Variants in COL6A3 observed in about 807,000 individuals in gnomAD.
COL6A3 encodes collagen alpha-3(VI) chain.
In COL6A3, 137 loss-of-function variants were observed where a neutral mutation model predicts 274.1. The ratio of observed to expected loss-of-function variants is 0.50; its 90% CI spans 0.44 to 0.58. The LOEUF (loss-of-function observed/expected upper bound fraction) is 0.58. Among genes scored for constraint, COL6A3 ranks in the 20% least tolerant of loss-of-function variants. The probability of loss-of-function intolerance (pLI) is 0.00; values close to 1 mark genes in which losing one functional copy is unlikely to be tolerated. For missense variants in COL6A3, 3,950 were observed against 4,124.9 expected (o/e 0.96, Z 1.16); for synonymous variants, 1,650 against 1,650.6 (o/e 1.00, Z 0.01).
Position 237,325,465 on chromosome 2 carries a change from A to G in COL6A3, c.9493+95T>C, listed in dbSNP as rs1699889411. On this transcript the variant is annotated intron_variant, in intron 43 of 43. Transcript: ENST00000295550. The stretch of plus-strand genomic sequence containing the variant: ...ACACTTTATCTTCTTTTTCACATGT[A>G]TCATAATCATTGCACTTCTAATATT... The G allele has an allele frequency of 1.1e-5, 14 of 1,311,832 alleles. 1 individual carries two copies. In the South Asian group the frequency reaches 1.3e-4, roughly 12 times the overall value. 81.3% of individuals were successfully genotyped at this position (1,311,832 alleles called of 1,614,324 possible).
intron 41 of COL6A3, among the ~76,000 whole-genome samples, chr2:237,333,761 C>T (rs1469890775): frequency 6.6e-6 from 1 of 152,160 alleles, no homozygotes; most frequent in African/African-American, 2.4e-5. Flanking sequence ...GGGAGGGGAT[C>T]CCTGAACTTC....
At position 237,367,059 on chromosome 2, in the gene COL6A3, C is replaced by T. The variant is rs773631759; in HGVS notation, c.5128G>A (p.Val1710Ile). 5.0e-5 allele frequency: 80 copies of T among 1,614,114 alleles called. No individual in the cohort carries two copies. The highest frequency in any genetic ancestry group is 6.0e-5 in the Non-Finnish European group (71 of 1,180,052). The change falls in exon 11 of 44, where the codon GTC becomes ATC. Residue 1710 changes from valine to isoleucine, a missense_variant. By Grantham distance (29) the Val-to-Ile change is conservative. Around this residue, in one of 5 missense-constraint regions of COL6A3, gnomAD observed 632 missense variants for 623.4 expected, o/e 1.01. Coordinates refer to ENST00000295550, the MANE Select transcript of COL6A3 (RefSeq NM_004369.4). ...RQIIDAINKV[V>I]YKGGRHANTK... ...TTGGCGTGTCTTCCCCCTTTGTAGA[C>T]CACTTTGTTGATGGCGTCAATAATC...
intron 1 of COL6A3, among the ~76,000 whole-genome samples, chr2:237,403,253 C>T (rs2078637485): frequency 6.6e-6 from 1 of 152,160 alleles, no homozygotes; most frequent in South Asian, 2.1e-4. Flanking sequence ...GAAGACGGAA[C>T]ACAGTGTGGG....
At chr2:237,359,887 C>G (rs534240189) in intron 17 of COL6A3, among the ~76,000 whole-genome samples, 1 of 152,330 alleles carries the variant, frequency 6.6e-6, no homozygotes, top group South Asian at 2.1e-4. Flanking sequence ...AACTATTTCT[C>G]CATTCTCAGG....
intron 42 of COL6A3, among the ~76,000 whole-genome samples, chr2:237,332,109 ATATATATATG>A (rs1228965937): frequency 1.1e-4 from 9 of 83,398 alleles, no homozygotes; most frequent in African/African-American, 3.8e-4. Flanking sequence ...ATATATATAT[ATATATATATG>A]AAAAGAAAAA....
chr2:237,339,460 T>G (rs2076938108), intron 38 of COL6A3, among the ~76,000 whole-genome samples: 1 of 152,250 alleles, frequency 6.6e-6, no homozygotes, highest in African/African-American at 2.4e-5. Context: ...ATAATGCAAC[T>G]GCTTTTCAGA....
In COL6A3 at chr2:237,334,890, C is replaced by G. The variant is rs767517186; in HGVS notation, c.8966-1G>C. 46 of 1,613,998 alleles carry G rather than the reference C, an allele frequency of 2.9e-5. No homozygotes were observed. The highest frequency in any genetic ancestry group is 3.7e-5 in the Non-Finnish European group (44 of 1,180,036). Reference sequence around the variant, plus strand: ...ACCTGGACTTCACGGGACATCTTAACTGAAAGATAGATCAGAGCGTGAAGA... The same window carrying G: ...ACCTGGACTTCACGGGACATCTTAAGTGAAAGATAGATCAGAGCGTGAAGA... On this transcript the variant is annotated splice_acceptor_variant, in intron 40 of 43. Coordinates refer to ENST00000295550, the MANE Select transcript of COL6A3 (RefSeq NM_004369.4). LOFTEE classifies it high-confidence loss of function.
chr2:237,374,736 T>A lies in COL6A3; in HGVS notation c.3355A>T (p.Ile1119Phe), dbSNP rs2077787461. The change falls in exon 8 of 44, where the codon ATC becomes TTC. Residue 1119 changes from isoleucine (I) to phenylalanine (F), a missense_variant. Physicochemically the swap from Ile to Phe is conservative, Grantham distance 21 (BLOSUM62 0). Around this residue, in one of 5 missense-constraint regions of COL6A3, gnomAD observed 1,934 missense variants for 1,984.3 expected, o/e 0.97. Coordinates refer to ENST00000295550, the MANE Select transcript of COL6A3 (RefSeq NM_004369.4). This position sits in a 1 kb window ranked among gnomAD's most constrained non-coding sequence, Gnocchi z 4.8. Reference sequence around the variant, plus strand: ...CTGCTTCCCGCAGAGCTGACCAGGATGTTCCTCAGGACAAACTCCAGGGCG... The same window carrying A: ...CTGCTTCCCGCAGAGCTGACCAGGAAGTTCCTCAGGACAAACTCCAGGGCG... ...GAALEFVLRN[I>F]LVSSAGSRIT... The A allele has an allele frequency of 6.2e-7, 1 of 1,613,434 alleles. No homozygotes were observed. The highest frequency in any genetic ancestry group is 1.7e-5 in the Admixed American group (1 of 60,000).
intron 42 of COL6A3, chr2:237,333,241 C>A: frequency 1.6e-6 from 1 of 610,230 alleles, no homozygotes; most frequent in South Asian, 1.9e-5. Flanking sequence ...ATCAAATTTT[C>A]ACTGAGTCTG....
At position 237,387,790 on chromosome 2, in the gene COL6A3, T is replaced by C; in HGVS notation, c.1104A>G (p.Ala368=). The change falls in exon 4 of 44, where the codon GCA becomes GCG. Residue 368 remains alanine, a synonymous_variant. Coordinates refer to ENST00000295550, the MANE Select transcript of COL6A3 (RefSeq NM_004369.4). ...ATGAGAACACGCTAGCCTGCTTCAGTGCTACCACCCCGTAGCGAATCTCGT... is the reference window on the plus strand; with the variant it reads ...ATGAGAACACGCTAGCCTGCTTCAGCGCTACCACCCCGTAGCGAATCTCGT... ...SSDEIRYGVV[A]LKQASVFSFG... 6.2e-7 allele frequency: 1 copy of C among 1,614,108 alleles called. No individual in the cohort carries two copies. The highest frequency in any genetic ancestry group is 8.5e-7 in the Non-Finnish European group (1 of 1,180,000).
At position 237,336,270 on chromosome 2, in the gene COL6A3, G is replaced by A. The variant is rs1192188996; in HGVS notation, c.8830C>T (p.Pro2944Ser). Residue 2944 changes from proline (P) to serine (S), a missense_variant, in exon 40 of 44, where the codon CCT (proline) becomes TCT (serine). Coordinates refer to ENST00000295550, the MANE Select transcript of COL6A3 (RefSeq NM_004369.4). ...ACAGCTGCTGGCTTTGCTGCTACAG[G>A]CTTCGCTGCCGTTGCTGGCTTCACC... is the stretch of plus-strand genomic sequence containing the variant. ...VAVKPATAAK[P>S]VAAKPAAVRP... 2 of 1,613,874 alleles carry A rather than the reference G, an allele frequency of 1.2e-6. No homozygotes were observed. The highest frequency in any genetic ancestry group is 1.7e-6 in the Non-Finnish European group (2 of 1,179,946).
intron 1 of COL6A3, among the ~76,000 whole-genome samples, chr2:237,402,032 T>C (rs944032084): frequency 8.5e-5 from 13 of 152,178 alleles, no homozygotes; most frequent in South Asian, 6.2e-4. Flanking sequence ...AGGAATATTA[T>C]TCAGCTTTAT....
chr2:237,346,665 G>GACTC, intron 31 of COL6A3, 100 bp from the exon 32 acceptor site: 1 of 1,054,788 alleles, frequency 9.5e-7, no homozygotes, highest in Non-Finnish European at 1.5e-6. Context: ...TAACCCAAGG[G>GACTC]ACTCCATCAC....
chr2:237,357,172 G>A (rs1317094334), intron 23 of COL6A3, 166 bp downstream of exon 23: 1 of 760,474 alleles, frequency 1.3e-6, no homozygotes, highest in Non-Finnish European at 2.4e-6. Context: ...TGAAGCACCA[G>A]GGAAATTATA....
At chr2:237,388,219 A>C (rs1002529255) in intron 3 of COL6A3, 35 bp from the exon 4 acceptor site, 3 of 1,613,180 alleles carry the variant, frequency 1.9e-6, no homozygotes, top group Non-Finnish European at 2.5e-6. Context: ...ATGTGAAAGC[A>C]TTAGAACAAG....
At chr2:237,354,823 G>T in intron 24 of COL6A3, 76 bp downstream of exon 24, 1 of 1,253,200 alleles carries the variant, frequency 8.0e-7, no homozygotes, top group Non-Finnish European at 1.1e-6. Context: ...ACAGGAGAGA[G>T]TGTTTTTCAC....
chr2:237,395,780 CA>C (rs1413471583), intron 2 of COL6A3, among the ~76,000 whole-genome samples: 2 of 152,088 alleles, frequency 1.3e-5, no homozygotes, highest in African/African-American at 2.4e-5. Flanking sequence ...TTATTTTTTC[CA>C]GATTTTTTGA....
intron 26 of COL6A3, among the ~76,000 whole-genome samples, chr2:237,352,296 G>A (rs1248312311): frequency 1.3e-5 from 2 of 152,208 alleles, no homozygotes; most frequent in African/African-American, 4.8e-5. Context: ...GAGCAGAATT[G>A]AGACTTAGAG....
At chr2:237,395,743 T>C (rs1170061896) in intron 2 of COL6A3, among the ~76,000 whole-genome samples, 1 of 152,238 alleles carries the variant, frequency 6.6e-6, no homozygotes. Flanking sequence ...GAGGAGGACT[T>C]GTGTAAATGT....
Sources: gnomAD v4.1 joint callset for allele counts (sites outside exome capture counted in the v4.1 genomes callset) on GRCh38, gnomAD v4.1.1 for gene constraint, gnomAD v4.1.1 regional missense constraint, Gnocchi (gnomAD v3.1) non-coding constraint, MANE v1.5 for transcripts, NCBI Gene and HGNC (gene_info 2026-07-23, HGNC 2026-07-21) for gene names.